HMGXB3: variants seen among roughly 807,000 people sequenced by gnomAD.
HMGXB3 encodes the protein HMG domain-containing protein 3.
Under a neutral mutation model 121.5 loss-of-function variants are expected in HMGXB3, and 45 were observed. That is an observed-to-expected ratio of 0.37 (90% CI 0.29 to 0.47). The LOEUF is 0.47. Among genes scored for constraint, HMGXB3 ranks in the 20% least tolerant of loss-of-function variants. The pLI is 0.99. For missense variants in HMGXB3, 1,376 were observed against 1,602.2 expected (o/e 0.86, Z 2.41); for synonymous variants, 590 against 624.1 (o/e 0.95, Z 0.81).
intron 18 of HMGXB3, among the ~76,000 whole-genome samples, chr5:150,049,379 A>G (rs1756837405): frequency 6.6e-6 from 1 of 151,472 alleles, no homozygotes; most frequent in Non-Finnish European, 1.5e-5. Flanking sequence ...ACTAGATGAC[A>G]GAGTGGGCCC....
chr5:150,023,903 T>G (rs1027193942), intron 6 of HMGXB3, among the ~76,000 whole-genome samples: 1 of 152,254 alleles, frequency 6.6e-6, no homozygotes, highest in Non-Finnish European at 1.5e-5. Flanking sequence ...TGTATGGCAG[T>G]ATGTCACCCT....
At chr5:150,037,363 CCTT>C (rs1414647152) in intron 12 of HMGXB3, 34 bp from the exon 13 acceptor site, 2 of 1,497,720 alleles carry the variant, frequency 1.3e-6, no homozygotes, top group African/African-American at 1.4e-5. Flanking sequence ...AGTCTCTTTC[CCTT>C]CTTTTTTTTT....
At chr5:150,025,331 C>A (rs1561866357) in intron 7 of HMGXB3, among the ~76,000 whole-genome samples, 1 of 152,162 alleles carries the variant, frequency 6.6e-6, no homozygotes, top group Non-Finnish European at 1.5e-5. Context: ...GTTCTTGTAA[C>A]TGAAGACCCT....
At chr5:150,037,084 A>G (rs930822357) in intron 12 of HMGXB3, 147 bp downstream of exon 12, 2 of 780,552 alleles carry the variant, frequency 2.6e-6, no homozygotes, top group African/African-American at 1.8e-5. Flanking sequence ...TGCTGAAAGT[A>G]AAGTAATAAT....
intron 7 of HMGXB3, among the ~76,000 whole-genome samples, chr5:150,024,932 C>A (rs1461753065): frequency 6.6e-6 from 1 of 152,168 alleles, no homozygotes; most frequent in East Asian, 1.9e-4. Context: ...TAGAGTCTTG[C>A]TGGTATAGGC....
chr5:150,044,185 G>A (rs184511807), intron 15 of HMGXB3, among the ~76,000 whole-genome samples: 4 of 152,134 alleles, frequency 2.6e-5, no homozygotes, highest in African/African-American at 7.2e-5. Context: ...TGGGGAGAGA[G>A]TATCCTGAAG....
In HMGXB3 at chr5:150,024,491, A is replaced by T; in HGVS notation, c.1271A>T (p.His424Leu). ...EWEEVIISDA[H>L]VLVKEAPGNC... ...GAGGAAGTGATCATCTCCGATGCCC[A>T]TGTTTTGGTTAAGGAAGCTCCCGGG... The change falls in exon 7 of 20, where the codon CAT becomes CTT. Residue 424 changes from histidine to leucine, a missense_variant. Physicochemically the swap from His to Leu is moderately conservative, Grantham distance 99. Coordinates refer to ENST00000502717, the MANE Select transcript of HMGXB3 (RefSeq NM_014983.3). The T allele has an allele frequency of 6.4e-7, 1 of 1,551,738 alleles. No individual in the cohort carries two copies. Among genetic ancestry groups the T allele is most frequent in the Non-Finnish European group, 8.7e-7 (1 of 1,147,012 alleles).
chr5:150,044,531 C>T (rs1756712070), intron 15 of HMGXB3, among the ~76,000 whole-genome samples: 1 of 152,146 alleles, frequency 6.6e-6, no homozygotes, highest in Non-Finnish European at 1.5e-5. Context: ...GTTCTCACAA[C>T]TTTTTACAGT....
intron 10 of HMGXB3, 60 bp downstream of exon 10, chr5:150,030,899 A>C (rs1756357445): frequency 7.8e-7 from 1 of 1,282,180 alleles, no homozygotes; most frequent in African/African-American, 1.5e-5. Flanking sequence ...TTTGTGGTTG[A>C]AGGTCAGTAG....
At chr5:150,005,587 G>A (rs1221519035) in intron 2 of HMGXB3, among the ~76,000 whole-genome samples, 29 of 94,456 alleles carry the variant, frequency 3.1e-4, no homozygotes, top group African/African-American at 9.8e-4. Context: ...CAACAAGAAC[G>A]AAACTCCTCT....
At chr5:150,034,956 AT>A (rs1291618791) in intron 11 of HMGXB3, among the ~76,000 whole-genome samples, 1 of 152,200 alleles carries the variant, frequency 6.6e-6, no homozygotes, top group Non-Finnish European at 1.5e-5. Context: ...CCACTGATTA[AT>A]TAATTCTCTC....
intron 13 of HMGXB3, among the ~76,000 whole-genome samples, chr5:150,039,849 T>C (rs1756585507): frequency 6.6e-6 from 1 of 152,264 alleles, no homozygotes; most frequent in South Asian, 2.1e-4. Flanking sequence ...CCTTCTTCAC[T>C]GGGAACACAT....
chr5:150,038,366 T>C (rs1756546926), intron 13 of HMGXB3, among the ~76,000 whole-genome samples: 1 of 152,260 alleles, frequency 6.6e-6, no homozygotes, highest in Admixed American at 6.5e-5. Context: ...TACTATTTTA[T>C]GCTCTTGCCA....
At chr5:150,005,241 A>G (rs1208589180) in intron 2 of HMGXB3, among the ~76,000 whole-genome samples, 1 of 152,270 alleles carries the variant, frequency 6.6e-6, no homozygotes, top group African/African-American at 2.4e-5. Context: ...AAAGAGCTAC[A>G]TTATTTATTA....
Position 150,051,802 on chromosome 5 carries a change from A to G in HMGXB3, c.3489A>G (p.Pro1163=), listed in dbSNP as rs1320998764. The part of the protein sequence containing the change: ...MTETEHSIQH[P]VTKTATRRIV... ...AAACTGAGCACTCTATCCAGCACCC[A>G]GTCACCAAGACTGCCACGCGGCGCA... Residue 1163 remains proline (P), a synonymous_variant, in exon 20 of 20, where the codon CCA becomes CCG. Transcript: ENST00000502717. 2 of 1,547,802 alleles carry G rather than the reference A, an allele frequency of 1.3e-6. No homozygotes were observed. The highest frequency in any genetic ancestry group is 2.0e-5 in the Admixed American group (1 of 51,004).
Position 150,006,510 on chromosome 5 carries a change from A to C in HMGXB3, c.175A>C (p.Lys59Gln). The change falls in exon 3 of 20, where the codon AAA (lysine) becomes CAA (glutamine). Residue 59 changes from lysine to glutamine, a missense_variant. By Grantham distance (53) the Lys-to-Gln change is moderately conservative. Coordinates refer to ENST00000502717, the MANE Select transcript of HMGXB3 (RefSeq NM_014983.3). ...TCTGTACTATTACGACATCTACCTG[A>C]AAGTGCAGCAGGAGCTCCCCCACCT... is the stretch of plus-strand genomic sequence containing the variant. ...YLLYYYDIYL[K>Q]VQQELPHLPQ... 6.4e-7 allele frequency: 1 copy of C among 1,551,876 alleles called. No individual in the cohort carries two copies. Among genetic ancestry groups the C allele is most frequent in the Non-Finnish European group, 8.7e-7 (1 of 1,146,996 alleles).
chr5:150,041,803 A>C lies in HMGXB3; in HGVS notation c.2564A>C (p.Glu855Ala). The C allele has an allele frequency of 1.3e-6, 2 of 1,551,360 alleles. No individual in the cohort carries two copies. The highest frequency in any genetic ancestry group is 1.7e-6 in the Non-Finnish European group (2 of 1,146,802). The part of the protein sequence containing the change: ...QEQTEKTLTS[E>A]ELSQLQELLC... ...CTTTCAGAGAAGACTCTGACCTCGG[A>C]GGAGCTGAGCCAGCTGCAGGAGCTG... The change falls in exon 15 of 20, where the codon GAG becomes GCG. Residue 855 changes from glutamate (E) to alanine (A), a missense_variant. Physicochemically the swap from Glu to Ala is moderately radical, Grantham distance 107. Around this residue, in one of 2 missense-constraint regions of HMGXB3, gnomAD observed 1,116 missense variants for 1,369.0 expected, o/e 0.82. Coordinates refer to ENST00000502717, the MANE Select transcript of HMGXB3 (RefSeq NM_014983.3).
intron 6 of HMGXB3, among the ~76,000 whole-genome samples, chr5:150,023,790 A>G (rs1365557009): frequency 6.6e-6 from 1 of 152,196 alleles, no homozygotes; most frequent in Non-Finnish European, 1.5e-5. Flanking sequence ...CCCAAAGGAG[A>G]TGGGAAAATT....
intron 6 of HMGXB3, among the ~76,000 whole-genome samples, chr5:150,020,155 A>G (rs909486311): frequency 1.3e-5 from 2 of 152,220 alleles, no homozygotes; most frequent in East Asian, 3.8e-4. Context: ...TACATATTAA[A>G]TCCTCAGTGA....
Sources: gnomAD v4.1 joint callset for allele counts (sites outside exome capture counted in the v4.1 genomes callset) on GRCh38, gnomAD v4.1.1 for gene constraint, gnomAD v4.1.1 regional missense constraint, MANE v1.5 for transcripts, NCBI Gene and HGNC (gene_info 2026-07-23, HGNC 2026-07-21) for gene names.